The following RPS6KC1 variants were observed in gnomAD, a reference collection of about 807,000 sequenced individuals.
RPS6KC1 encodes ribosomal protein S6 kinase C1, also known as inactive ribosomal protein S6 kinase delta-1.
A neutral mutation model predicts 103.8 loss-of-function variants in RPS6KC1; 54 were observed. The ratio of observed to expected loss-of-function variants is 0.52; its 90% CI spans 0.42 to 0.65. The LOEUF is 0.65. Among genes scored for constraint, RPS6KC1 ranks in the 30% least tolerant of loss-of-function variants. RPS6KC1 has a pLI of 0.00. For missense variants in RPS6KC1, 1,151 were observed against 1,253.8 expected (o/e 0.92, Z 1.24); for synonymous variants, 439 against 438.7 (o/e 1.00, Z -0.01).
the RPS6KC1 span, among the ~76,000 whole-genome samples, chr1:213,483,247 C>T: frequency 2.0e-5 from 3 of 152,078 alleles, no homozygotes; most frequent in African/African-American, 7.2e-5. Context: ...ATGAGGGTAA[C>T]CACCCCCATG....
At chr1:213,711,317 G>A in the RPS6KC1 span, among the ~76,000 whole-genome samples, 1 of 151,936 alleles carries the variant, frequency 6.6e-6, no homozygotes, top group Non-Finnish European at 1.5e-5. Context: ...TGATACTTGT[G>A]TATGCTTCAC....
the RPS6KC1 span, among the ~76,000 whole-genome samples, chr1:213,532,534 A>G: frequency 6.6e-6 from 1 of 152,316 alleles, no homozygotes; most frequent in African/African-American, 2.4e-5. Flanking sequence ...AGGATCCTAA[A>G]GAGGTTTCTG....
At chr1:213,737,910 A>C in the RPS6KC1 span, among the ~76,000 whole-genome samples, 1 of 152,186 alleles carries the variant, frequency 6.6e-6, no homozygotes, top group African/African-American at 2.4e-5. Flanking sequence ...TTGGAATGCT[A>C]ATCTCGGAAC....
At chr1:213,484,310 A>C in the RPS6KC1 span, among the ~76,000 whole-genome samples, 5 of 152,190 alleles carry the variant, frequency 3.3e-5, no homozygotes, top group African/African-American at 1.2e-4. Context: ...GGTTCCAATC[A>C]TGGTGTTGGC....
chr1:213,182,619 G>GC (rs2092323966), intron 8 of RPS6KC1, among the ~76,000 whole-genome samples: 1 of 151,464 alleles, frequency 6.6e-6, no homozygotes. Flanking sequence ...GCAAACTTAA[G>GC]CCCTAACACA....
At chr1:213,657,860 A>G in the RPS6KC1 span, among the ~76,000 whole-genome samples, 4,792 of 152,278 alleles carry the variant, frequency 0.031, 119 homozygotes, top group Non-Finnish European at 0.046. Flanking sequence ...TCTAGGCATT[A>G]TGCTATATTT....
At chr1:213,861,307 C>T in the RPS6KC1 span, among the ~76,000 whole-genome samples, 1 of 152,074 alleles carries the variant, frequency 6.6e-6, no homozygotes, top group African/African-American at 2.4e-5. Context: ...ACAAACTCCC[C>T]AAATGCCAGG....
At chr1:213,363,703 C>CTTTCTTTCCTTCT in the RPS6KC1 span, among the ~76,000 whole-genome samples, 1 of 17,400 alleles carries the variant, frequency 5.7e-5, no homozygotes, top group African/African-American at 4.0e-4. Context: ...TCTTTCTTTC[C>CTTTCTTTCCTTCT]TTCTTTCTTT....
chr1:213,124,410 A>G (rs2084742153), intron 5 of RPS6KC1, among the ~76,000 whole-genome samples: 3 of 152,040 alleles, frequency 2.0e-5, no homozygotes, highest in Non-Finnish European at 1.5e-5. Flanking sequence ...TGTCCTTCCT[A>G]CCTAGACTGA....
chr1:213,541,561 T>A, the RPS6KC1 span, among the ~76,000 whole-genome samples: 1 of 152,128 alleles, frequency 6.6e-6, no homozygotes, highest in African/African-American at 2.4e-5. Flanking sequence ...GTATCCATAA[T>A]GCTTACTGAT....
At chr1:213,710,848 C>T in the RPS6KC1 span, among the ~76,000 whole-genome samples, 50 of 152,310 alleles carry the variant, frequency 3.3e-4, no homozygotes, top group South Asian at 8.3e-4. Flanking sequence ...TTGGCCCCCA[C>T]TCTCTTCTGG....
At chr1:213,775,132 A>G in the RPS6KC1 span, among the ~76,000 whole-genome samples, 1 of 152,210 alleles carries the variant, frequency 6.6e-6, no homozygotes, top group Non-Finnish European at 1.5e-5. Context: ...TTAAATGAAA[A>G]GGGCAGTTTC....
the RPS6KC1 span, among the ~76,000 whole-genome samples, chr1:213,309,972 A>C: frequency 6.6e-6 from 1 of 152,218 alleles, no homozygotes; most frequent in Non-Finnish European, 1.5e-5. Flanking sequence ...GGTGTGAGCC[A>C]CTGCGCCCAG....
chr1:213,654,943 G>T, the RPS6KC1 span, among the ~76,000 whole-genome samples: 1 of 152,188 alleles, frequency 6.6e-6, no homozygotes, highest in Non-Finnish European at 1.5e-5. Flanking sequence ...ACAAAAGATC[G>T]CTTCTTGAGG....
chr1:213,804,173 T>TAAAAAA, the RPS6KC1 span, among the ~76,000 whole-genome samples: 107 of 57,830 alleles, frequency 1.9e-3, 1 homozygote, highest in East Asian at 7.3e-3. Flanking sequence ...TGGCTAATCT[T>TAAAAAA]AAAAAAAAAA....
chr1:213,768,191 A>T, the RPS6KC1 span, among the ~76,000 whole-genome samples: 1 of 152,152 alleles, frequency 6.6e-6, no homozygotes, highest in African/African-American at 2.4e-5. Flanking sequence ...TGTGAGTATG[A>T]TCCAGCGGGG....
At chr1:213,857,963 G>A in the RPS6KC1 span, among the ~76,000 whole-genome samples, 3 of 152,252 alleles carry the variant, frequency 2.0e-5, no homozygotes, top group African/African-American at 2.4e-5. Flanking sequence ...AAAGGCTCAC[G>A]TCATGTCAAA....
the RPS6KC1 span, among the ~76,000 whole-genome samples, chr1:213,418,773 C>G: frequency 6.6e-6 from 1 of 152,154 alleles, no homozygotes; most frequent in Non-Finnish European, 1.5e-5. Flanking sequence ...TGTTCCGACC[C>G]CAGGAGAAAT....
chr1:213,257,439 T>G (rs1442129009), intron 12 of RPS6KC1, among the ~76,000 whole-genome samples: 1 of 152,166 alleles, frequency 6.6e-6, no homozygotes, highest in Non-Finnish European at 1.5e-5. Flanking sequence ...CTATAAACCA[T>G]CTCATTAATT....
Sources: gnomAD v4.1 joint callset for allele counts (sites outside exome capture counted in the v4.1 genomes callset) on GRCh38, gnomAD v4.1.1 for gene constraint, MANE v1.5 for transcripts, NCBI Gene and HGNC (gene_info 2026-07-23, HGNC 2026-07-21) for gene names.